Variants in HOMER2 observed in about 807,000 individuals in gnomAD.
HOMER2 encodes homer protein homolog 2.
A neutral mutation model predicts 47.0 loss-of-function variants in HOMER2; 27 were observed. That is an observed-to-expected ratio of 0.57 (90% CI 0.42 to 0.79). The LOEUF (loss-of-function observed/expected upper bound fraction) is 0.79, where lower values mean the gene tolerates loss of function less well. HOMER2 is among the 30% of genes least tolerant of loss of function. The pLI, the probability that HOMER2 is intolerant of heterozygous loss-of-function variation, is 0.00. For missense variants in HOMER2, 443 were observed against 435.0 expected, an observed-to-expected ratio of 1.02 and a Z score of -0.16; for synonymous variants, 161 against 163.8, an observed-to-expected ratio of 0.98 and a Z score of 0.13.
At chr15:82,953,098 A>G (rs1162672403), upstream of HOMER2, among the ~76,000 whole-genome samples, 1 of 152,186 alleles carries the variant, frequency 6.6e-6, no homozygotes. Context: ...TGATTTGCCC[A>G]AGGTCACACA....
intron 1 of HOMER2, among the ~76,000 whole-genome samples, chr15:82,979,426 CAATT>C (rs1182140020): frequency 1.3e-5 from 2 of 152,274 alleles, no homozygotes; most frequent in East Asian, 3.9e-4. Context: ...GATAGATATA[CAATT>C]AATTATATTA....
chr15:82,907,592 TACATA>T (rs2053326094), intron 1 of HOMER2, among the ~76,000 whole-genome samples: 2 of 152,052 alleles, frequency 1.3e-5, no homozygotes, highest in Non-Finnish European at 2.9e-5. Context: ...AGAAAATCAG[TACATA>T]GTTGAACTCA....
At chr15:82,902,086 A>G (rs192921455) in intron 1 of HOMER2, among the ~76,000 whole-genome samples, 11 of 152,318 alleles carry the variant, frequency 7.2e-5, no homozygotes, top group Admixed American at 7.2e-4. Context: ...CATTTATACT[A>G]TAAAAATTCA....
At position 82,849,843 on chromosome 15, in the gene HOMER2, C is replaced by T. The variant is rs1171140843; in HGVS notation, c.904G>A (p.Glu302Lys). Residue 302 changes from glutamate to lysine, a missense_variant, in exon 9 of 9, where the codon GAG becomes AAG. By Grantham distance (56) the Glu-to-Lys change is moderately conservative (BLOSUM62 1). Transcript: ENST00000450735. Reference protein sequence around the residue: ...DKVRSLKTDIEESKYRQRHLK... With the variant: ...DKVRSLKTDIKESKYRQRHLK... ...TGGCGCTGTCGGTATTTGCTCTCCT[C>T]AATGTCTGTCTTTAAGGAACGCACT... is the stretch of plus-strand genomic sequence containing the variant. The T allele has an allele frequency of 6.2e-7, 1 of 1,614,014 alleles. No homozygotes were observed. Among genetic ancestry groups the T allele is most frequent in the Non-Finnish European group, 8.5e-7 (1 of 1,179,878 alleles).
At chr15:82,933,422 G>T (rs1056572919) in intron 1 of HOMER2, among the ~76,000 whole-genome samples, 9 of 152,066 alleles carry the variant, frequency 5.9e-5, no homozygotes, top group African/African-American at 2.2e-4. Flanking sequence ...CACAAAAAAT[G>T]ACTGGTAGGG....
intron 1 of HOMER2, among the ~76,000 whole-genome samples, chr15:82,951,164 G>A (rs1361977827): frequency 6.6e-6 from 1 of 152,148 alleles, no homozygotes; most frequent in Non-Finnish European, 1.5e-5. Context: ...GTGCCTCTGG[G>A]TAAAATCACC....
chr15:82,977,579 T>A (rs6603038), intron 1 of HOMER2, among the ~76,000 whole-genome samples: 1 of 152,006 alleles, frequency 6.6e-6, no homozygotes, highest in Non-Finnish European at 1.5e-5. Flanking sequence ...TTCACTCTTA[T>A]GTTAATAAAC....
intron 3 of HOMER2, among the ~76,000 whole-genome samples, chr15:82,869,322 C>G (rs74514980): frequency 0.011 from 1,652 of 152,090 alleles, 15 homozygotes; most frequent in Non-Finnish European, 0.018. Context: ...ATTTTTCTGT[C>G]TGTATATTTG....
chr15:82,875,976 T>C (rs2052337254), intron 2 of HOMER2, among the ~76,000 whole-genome samples: 1 of 152,208 alleles, frequency 6.6e-6, no homozygotes, highest in South Asian at 2.1e-4. Flanking sequence ...TCTGTAAGGA[T>C]GGTGCAGCAG....
chr15:82,958,113 A>C (rs2054601287), downstream of HOMER2: 1 of 152,284 alleles, frequency 6.6e-6, no homozygotes, highest in Non-Finnish European at 1.5e-5. Context: ...CTGGAATTAT[A>C]GGCGTGAGCC....
intron 1 of HOMER2, among the ~76,000 whole-genome samples, chr15:82,937,919 A>T (rs868702215): frequency 6.6e-6 from 1 of 152,324 alleles, no homozygotes; most frequent in Middle Eastern, 3.4e-3. Context: ...ACAAAGTCAC[A>T]GTCTTCAATC....
At chr15:82,881,790 TAAATATTTGTAGAATGGATGACC>T (rs911472576) in intron 2 of HOMER2, among the ~76,000 whole-genome samples, 23 of 152,328 alleles carry the variant, frequency 1.5e-4, no homozygotes, top group African/African-American at 5.3e-4. Flanking sequence ...CAGGTGTGGC[TAAATATTTGTAGAATGGATGACC>T]TCTAAGGTCT....
In HOMER2 at chr15:82,864,219, A is replaced by G. The variant is rs1665792743; in HGVS notation, c.335T>C (p.Ile112Thr). The G allele has an allele frequency of 6.2e-7, 1 of 1,612,756 alleles. No homozygotes were observed. ...KFQEVKEAAK[I>T]AKDKTQEKIE... ...TTTCTCCTGCGTCTTGTCTTTGGCT[A>G]TCTTGGCAGCTTCTTTCACCTCCTG... The change falls in exon 4 of 9, where the codon ATA becomes ACA. Residue 112 changes from isoleucine (I) to threonine (T), a missense_variant. Transcript: ENST00000450735.
chr15:82,965,278 C>A (rs1207048381), intron 1 of HOMER2, among the ~76,000 whole-genome samples: 2 of 152,158 alleles, frequency 1.3e-5, no homozygotes, highest in African/African-American at 4.8e-5. Context: ...CTCAGCCTCC[C>A]AAAGTACTGA....
Position 82,854,627 on chromosome 15 carries a change from G to C in HOMER2, c.651+17C>G, listed in dbSNP as rs2051506083. ...ACACCAGCTGGCCTCGGGGCTCACT[G>C]CATCCACCGTACCCACCTTGTTGCG... On this transcript the variant is annotated intron_variant, in intron 6 of 8. Coordinates refer to ENST00000450735, the MANE Select transcript of HOMER2 (RefSeq NM_004839.4). 1 of 1,604,128 alleles carries C rather than the reference G, an allele frequency of 6.2e-7. No homozygotes were observed. The highest frequency in any genetic ancestry group is 1.7e-5 in the Admixed American group (1 of 59,594).
intron 1 of HOMER2, among the ~76,000 whole-genome samples, chr15:82,982,966 G>A (rs1483843340): frequency 2.6e-5 from 4 of 152,116 alleles, no homozygotes; most frequent in Non-Finnish European, 5.9e-5. Context: ...ATATACAGCT[G>A]CTCCTTGATT....
At chr15:82,889,916 C>T (rs545649827) in intron 2 of HOMER2, among the ~76,000 whole-genome samples, 3 of 152,284 alleles carry the variant, frequency 2.0e-5, no homozygotes, top group African/African-American at 7.2e-5. Flanking sequence ...TCCCTGAATG[C>T]CAACTGTAGT....
At chr15:82,897,060 C>CT (rs2052947490) in intron 1 of HOMER2, among the ~76,000 whole-genome samples, 1 of 64,218 alleles carries the variant, frequency 1.6e-5, no homozygotes, top group African/African-American at 8.3e-5. Context: ...AATTTGATGT[C>CT]ATTTCTTTTT....
intron 3 of HOMER2, among the ~76,000 whole-genome samples, chr15:82,865,974 TCCCCC>T: frequency 6.6e-6 from 1 of 151,956 alleles, no homozygotes; most frequent in South Asian, 2.1e-4. Flanking sequence ...GGGGTCAAAG[TCCCCC>T]ACAGAGTCCC....
Sources: allele counts gnomAD v4.1 joint callset (sites outside exome capture counted in the v4.1 genomes callset), GRCh38; gene constraint gnomAD v4.1.1; transcripts MANE v1.5; gene names NCBI Gene and HGNC (gene_info 2026-07-23, HGNC 2026-07-21).